Variants in PTPRU observed in about 807,000 individuals in gnomAD.
PTPRU encodes protein tyrosine phosphatase receptor type U.
A neutral mutation model predicts 166.3 loss-of-function variants in PTPRU; 69 were observed. That is an observed-to-expected ratio of 0.41 (90% CI 0.34 to 0.51). The LOEUF is 0.51. Among genes scored for constraint, PTPRU ranks in the 20% least tolerant of loss-of-function variants. The probability of loss-of-function intolerance (pLI) is 0.09; values close to 1 mark genes in which losing one functional copy is unlikely to be tolerated. For synonymous variants in PTPRU, 793 were observed against 814.0 expected (o/e 0.97, Z 0.44); for missense variants, 1,657 against 2,013.7 (o/e 0.82, Z 3.39).
chr1:29,246,921 C>T (rs1396888772), intron 1 of PTPRU, among the ~76,000 whole-genome samples: 2 of 152,192 alleles, frequency 1.3e-5, no homozygotes, highest in Non-Finnish European at 2.9e-5. Context: ...CAGCTCCACA[C>T]AGCATCTTAA....
chr1:29,259,203 C>T, intron 3 of PTPRU, 58 bp from the exon 4 acceptor site: 1 of 1,533,498 alleles, frequency 6.5e-7, no homozygotes, highest in Admixed American at 1.8e-5. Flanking sequence ...AAGTGGGCAC[C>T]TCCCCAGGCA....
At chr1:29,302,182 T>C (rs1245835968) in intron 15 of PTPRU, among the ~76,000 whole-genome samples, 1 of 151,290 alleles carries the variant, frequency 6.6e-6, no homozygotes, top group Non-Finnish European at 1.5e-5. Context: ...TGTGTGTGTG[T>C]GTCTTAGTTT....
intron 25 of PTPRU, among the ~76,000 whole-genome samples, chr1:29,318,875 G>A (rs564051986): frequency 3.3e-5 from 5 of 152,352 alleles, no homozygotes; most frequent in Non-Finnish European, 5.9e-5. Context: ...TCACTGCTGC[G>A]TCTCTCCACG....
chr1:29,290,079 G>A (rs1282041938), intron 14 of PTPRU, among the ~76,000 whole-genome samples: 3 of 152,152 alleles, frequency 2.0e-5, no homozygotes, highest in Non-Finnish European at 4.4e-5. Context: ...CCAAATCCAC[G>A]TTCAGGACAC....
At chr1:29,313,583 CAG>C (rs879943120) in intron 22 of PTPRU, among the ~76,000 whole-genome samples, 6 of 152,324 alleles carry the variant, frequency 3.9e-5, no homozygotes, top group Admixed American at 2.6e-4. Context: ...TGGCTGGGCA[CAG>C]GGGCTCATGC....
chr1:29,277,803 CTTTTTTTTTTTTTTTTTTTT>C lies in PTPRU; in HGVS notation c.1454-1195_1454-1176del, dbSNP rs71586898. Among the ~76,000 whole-genome samples, 10 of 50,564 alleles carry C rather than the reference CTTTTTTTTTTTTTTTTTTTT, an allele frequency of 2.0e-4. 1 individual carries two copies. The highest frequency in any genetic ancestry group is 3.2e-4 in the Admixed American group (1 of 3,160). 33.2% of individuals were successfully genotyped at this position (50,564 alleles called of 152,430 possible). A position where few individuals can be genotyped will look rare whatever the true frequency, so the allele number is the denominator to read the frequency against. ...ACCATCTGGCTTCACAGTTGTCATT[CTTTTTTTTTTTTTTTTTTTT>C]TTTTTTTTTTTTTGAGATGGAGTCT... On this transcript the variant is annotated intron_variant, in intron 8 of 29. Transcript: ENST00000373779.
chr1:29,279,467 G>A lies in PTPRU; in HGVS notation c.1575G>A (p.Gln525=), dbSNP rs143580709. 33 of 1,613,992 alleles carry A rather than the reference G, an allele frequency of 2.0e-5. No individual in the cohort carries two copies. The African/African-American group carries it at 3.9e-4, about 19-fold the overall frequency. ...GLITQYEISY[Q]SIESSDPAVN... is the part of the protein sequence containing the mutation. The stretch of plus-strand genomic sequence containing the variant: ...AATCCTGCCCCCAGATCAGCTACCA[G>A]AGCATCGAGTCATCAGACCCGGCAG... The change falls in exon 10 of 30, where the codon CAG becomes CAA. Residue 525 remains glutamine (Q), a synonymous_variant. Transcript: ENST00000373779. This position sits in a 1 kb window ranked among gnomAD's most constrained non-coding sequence, Gnocchi z 5.2.
Position 29,311,480 on chromosome 1 carries a change from A to G in PTPRU, c.2882A>G (p.Asp961Gly), listed in dbSNP as rs1005837484. ...TQGPKPEMVY[D>G]FWRMVWQEHC... The stretch of plus-strand genomic sequence containing the variant: ...GGGCCGAAGCCTGAGATGGTCTATG[A>G]CTTCTGGCGTATGGTGTGGCAGGAG... The change falls in exon 20 of 30, where the codon GAC becomes GGC. Residue 961 changes from aspartate to glycine, a missense_variant. Around this residue, in one of 3 missense-constraint regions of PTPRU, gnomAD observed 1,190 missense variants for 1,477.4 expected, o/e 0.81. Transcript: ENST00000373779. This position sits in a 1 kb window ranked among gnomAD's most constrained non-coding sequence, Gnocchi z 4.1. 6.2e-7 allele frequency: 1 copy of G among 1,614,060 alleles called. No individual in the cohort carries two copies. Among genetic ancestry groups the G allele is most frequent in the Admixed American group, 1.7e-5 (1 of 60,016 alleles).
At chr1:29,304,100 ACT>A in intron 16 of PTPRU, 55 bp downstream of exon 16, 5 of 1,552,724 alleles carry the variant, frequency 3.2e-6, no homozygotes, top group Non-Finnish European at 4.4e-6. Flanking sequence ...CCTGGCTCTT[ACT>A]CTCTGTGGAC....
rs1360556415 is a variant in PTPRU, at chr1:29,282,658, G to A, written c.1869-18G>A. 2.5e-6 allele frequency: 4 copies of A among 1,608,150 alleles called. No individual in the cohort carries two copies. The East Asian group carries it at 6.7e-5, about 27-fold the overall frequency. On this transcript the variant is annotated intron_variant, in intron 11 of 29. Transcript: ENST00000373779. ...TCTGGCCGCCTGTGATCCCCTGTACGCTCTCCTCCCTGTCCAGTGTGTACC... is the reference window on the plus strand; with the variant it reads ...TCTGGCCGCCTGTGATCCCCTGTACACTCTCCTCCCTGTCCAGTGTGTACC...
chr1:29,245,100 C>T (rs1684234045), intron 1 of PTPRU, among the ~76,000 whole-genome samples: 1 of 152,208 alleles, frequency 6.6e-6, no homozygotes, highest in Admixed American at 6.5e-5. Context: ...CTCTATCTCT[C>T]CTCTGTCCTG....
chr1:29,239,924 G>C (rs1163531987), intron 1 of PTPRU, among the ~76,000 whole-genome samples: 1 of 152,224 alleles, frequency 6.6e-6, no homozygotes. Context: ...CCTTCAGGGT[G>C]AAGTCCTTAT....
At chr1:29,246,245 T>G (rs953529843) in intron 1 of PTPRU, among the ~76,000 whole-genome samples, 3 of 152,258 alleles carry the variant, frequency 2.0e-5, no homozygotes, top group Non-Finnish European at 4.4e-5. Context: ...ACGCTGCCCC[T>G]ATGGTGTCCT....
intron 1 of PTPRU, among the ~76,000 whole-genome samples, chr1:29,245,447 G>A (rs1424993556): frequency 2.0e-5 from 3 of 152,134 alleles, no homozygotes; most frequent in Non-Finnish European, 4.4e-5. Context: ...TCACAGGGAG[G>A]CATCATGACC....
Position 29,237,118 on chromosome 1 carries a change from C to T in PTPRU, c.73+401C>T, listed in dbSNP as rs1291410864. On this transcript the variant is annotated intron_variant, in intron 1 of 29. Coordinates refer to ENST00000373779, the MANE Select transcript of PTPRU (RefSeq NM_133178.4). This position sits in a 1 kb window ranked among gnomAD's most constrained non-coding sequence, Gnocchi z 6.4. ...ATTTGTTTGCATTTTGTATGCCTGG[C>T]CGGGAGTGCTGTTTGTTTTGTGTCT... Among the ~76,000 whole-genome samples, 1 of 151,900 alleles carries T rather than the reference C, an allele frequency of 6.6e-6. No homozygotes were observed. Among genetic ancestry groups the T allele is most frequent in the Non-Finnish European group, 1.5e-5 (1 of 67,974 alleles).
chr1:29,316,176 G>A, intron 24 of PTPRU, 25 bp downstream of exon 24: 1 of 1,578,080 alleles, frequency 6.3e-7, no homozygotes, highest in Non-Finnish European at 8.7e-7. Flanking sequence ...CGTGTGTATA[G>A]GTGTGTGTGT....
chr1:29,254,605 T>G (rs1684692702), intron 1 of PTPRU, among the ~76,000 whole-genome samples: 1 of 152,250 alleles, frequency 6.6e-6, no homozygotes, highest in South Asian at 2.1e-4. Flanking sequence ...GGTGCCTGAC[T>G]CAGAACGCGT....
At chr1:29,272,301 T>C (rs1234792774) in intron 7 of PTPRU, among the ~76,000 whole-genome samples, 1 of 152,162 alleles carries the variant, frequency 6.6e-6, no homozygotes, top group Admixed American at 6.5e-5. Flanking sequence ...TCAGTGTCCA[T>C]ATGGGATGGG....
At chr1:29,318,744 G>A (rs1224053497) in intron 25 of PTPRU, among the ~76,000 whole-genome samples, 4 of 152,248 alleles carry the variant, frequency 2.6e-5, no homozygotes, top group Admixed American at 2.6e-4. Context: ...CTGGCAGGGA[G>A]CAGGAGCAAT....
Sources: allele counts gnomAD v4.1 joint callset (sites outside exome capture counted in the v4.1 genomes callset), GRCh38; gene constraint gnomAD v4.1.1; regional missense constraint gnomAD v4.1.1; non-coding constraint Gnocchi (gnomAD v3.1); transcripts MANE v1.5; gene names NCBI Gene and HGNC (gene_info 2026-07-23, HGNC 2026-07-21).